The following MBNL3 variants were observed in gnomAD, a reference collection of about 807,000 sequenced individuals.
MBNL3 encodes muscleblind like splicing regulator 3.
In MBNL3, 6 loss-of-function variants were observed where a neutral mutation model predicts 24.5. The ratio of observed to expected loss-of-function variants is 0.25; its 90% CI spans 0.13 to 0.48. The LOEUF is 0.48. Among genes scored for constraint, MBNL3 ranks in the 20% least tolerant of loss-of-function variants. MBNL3 has a pLI of 0.99. For synonymous variants in MBNL3, 100 were observed against 101.7 expected (o/e 0.98, Z 0.10); for missense variants, 230 against 293.5 (o/e 0.78, Z 1.58).
intron 2 of MBNL3, chrX:132,429,776 C>T (rs765614704): frequency 9.0e-6 from 1 of 111,609 alleles, no homozygotes. Context: ...AAGCAATAGC[C>T]TAATTGATGT....
chrX:132,427,583 A>G (rs1944406563), intron 2 of MBNL3, among the ~76,000 whole-genome samples: 1 of 111,897 alleles, frequency 8.9e-6, no homozygotes, highest in South Asian at 3.7e-4. Context: ...GGGAAGATGA[A>G]CAAAGATATT....
In MBNL3 at chrX:132,379,686, GA is replaced by G. The variant is rs199601912; in HGVS notation, c.1054-10del. The stretch of plus-strand genomic sequence containing the variant: ...GCTGTTCAGAATTTCAGCTGAAATG[GA>G]AAAAAAAAGAAAGAAAGAAAGAGTG... On this transcript the variant is annotated splice_polypyrimidine_tract_variant and intron_variant, in intron 8 of 8. Transcript: ENST00000370853. 121 of 1,133,524 alleles carry G rather than the reference GA, an allele frequency of 1.1e-4. No homozygotes were observed. Among genetic ancestry groups the G allele is most frequent in the Non-Finnish European group, 1.2e-4 (100 of 834,395 alleles). 93.4% of individuals were successfully genotyped at this position (1,133,524 alleles called of 1,213,427 possible).
At chrX:132,389,996 C>G (rs1395209515) in intron 5 of MBNL3, among the ~76,000 whole-genome samples, 2 of 109,176 alleles carry the variant, frequency 1.8e-5, no homozygotes, top group East Asian at 5.7e-4. Context: ...AGTTCAAGAC[C>G]AGCCTGGCCA....
chrX:132,450,388 G>A (rs1032612330), intron 1 of MBNL3, among the ~76,000 whole-genome samples: 1 of 110,765 alleles, frequency 9.0e-6, no homozygotes, highest in Non-Finnish European at 1.9e-5. Context: ...CTCTAATCTT[G>A]TCTTCACGCT....
intron 6 of MBNL3, 127 bp from the exon 7 acceptor site, chrX:132,384,825 C>T: frequency 2.1e-6 from 1 of 468,302 alleles, no homozygotes; most frequent in Non-Finnish European, 3.2e-6. Context: ...ACATGCAAGT[C>T]CAACAATCTC....
At position 132,392,088 on chromosome X, in the gene MBNL3, T is replaced by C. The variant is rs745457025; in HGVS notation, c.534+55A>G. On this transcript the variant is annotated intron_variant, in intron 4 of 8. Coordinates refer to ENST00000370853, the MANE Select transcript of MBNL3 (RefSeq NM_001386889.1). ...ACACTGGGCTCTGAGAATACTGCTTTATGTGTAAGGTTAATATCTATTCTA... is the reference window on the plus strand; with the variant it reads ...ACACTGGGCTCTGAGAATACTGCTTCATGTGTAAGGTTAATATCTATTCTA... The C allele has an allele frequency of 9.0e-6, 9 of 1,004,414 alleles. 1 individual carries two copies. The South Asian group carries it at 2.2e-4, about 25-fold the overall frequency. 82.8% of individuals were successfully genotyped at this position (1,004,414 alleles called of 1,213,427 possible).
intron 2 of MBNL3, among the ~76,000 whole-genome samples, chrX:132,413,940 TC>T (rs1431612764): frequency 8.9e-6 from 1 of 112,347 alleles, no homozygotes; most frequent in Admixed American, 9.4e-5. Flanking sequence ...TTTCTTTTTT[TC>T]CTTCAGCCCT....
rs1934281326 is a variant in MBNL3 at position 132,377,861 on chromosome X, C to T, written c.*1805G>A. On this transcript the variant is annotated 3_prime_UTR_variant, in exon 9 of 9. Coordinates refer to ENST00000370853, the MANE Select transcript of MBNL3 (RefSeq NM_001386889.1). ...GGTTTTATACTTTCTGGTGGAAGAG[C>T]GCCTATTTACTAGAAAATATTAAAT... 9.2e-6 allele frequency: 1 copy of T among 109,029 alleles called. No individual in the cohort carries two copies. The highest frequency in any genetic ancestry group is 1.9e-5 in the Non-Finnish European group (1 of 52,474). 9.0% of individuals were successfully genotyped at this position (109,029 alleles called of 1,213,427 possible).
intron 2 of MBNL3, chrX:132,411,085 C>G (rs1233851989): frequency 1.4e-6 from 1 of 709,375 alleles, no homozygotes; most frequent in East Asian, 1.6e-4. Context: ...TTTAATAAAC[C>G]ATTTCTTAAA....
At chrX:132,436,997 G>C (rs1407382996) in intron 2 of MBNL3, among the ~76,000 whole-genome samples, 1 of 111,422 alleles carries the variant, frequency 9.0e-6, no homozygotes, top group Non-Finnish European at 1.9e-5. Context: ...TAATTAAGTG[G>C]CTTATTAATA....
intron 1 of MBNL3, among the ~76,000 whole-genome samples, chrX:132,455,594 A>T (rs1388032039): frequency 8.9e-6 from 1 of 112,127 alleles, no homozygotes; most frequent in Non-Finnish European, 1.9e-5. Context: ...TTTTTAGTGT[A>T]CACATGAAGA....
intron 3 of MBNL3, among the ~76,000 whole-genome samples, chrX:132,393,799 G>A (rs760752479): frequency 1.8e-5 from 2 of 110,734 alleles, no homozygotes; most frequent in African/African-American, 6.6e-5. Context: ...AAAAACCCCC[G>A]AATCTGTTGC....
At chrX:132,489,743 G>A (rs1175414103), upstream of MBNL3, 4 of 108,507 alleles carry the variant, frequency 3.7e-5, no homozygotes, top group South Asian at 3.7e-4. Context: ...CGCCGGACTC[G>A]GAAGCGGCGC....
chrX:132,424,729 TCTTAA>T (rs1484305407), intron 2 of MBNL3, among the ~76,000 whole-genome samples: 2 of 110,157 alleles, frequency 1.8e-5, no homozygotes, highest in African/African-American at 6.6e-5. Context: ...AATGGGTGTC[TCTTAA>T]CTTCTTTCTT....
At position 132,375,951 on chromosome X, in the gene MBNL3, T is replaced by G; in HGVS notation, c.*3715A>C. The G allele has an allele frequency of 8.9e-6, 1 of 112,088 alleles. No homozygotes were observed. Among genetic ancestry groups the G allele is most frequent in the Non-Finnish European group, 1.9e-5 (1 of 53,105 alleles). The allele number at this position is 112,088 out of a possible 1,213,427, so 9.2% of individuals were successfully genotyped here. On this transcript the variant is annotated 3_prime_UTR_variant, in exon 9 of 9. Transcript: ENST00000370853. ...TATTTAATAAAATGTAATGTAAATG[T>G]CATTCCTTATTCAGATACCACTATG... is the stretch of plus-strand genomic sequence containing the variant.
At chrX:132,450,659 A>G (rs1603257224) in intron 1 of MBNL3, among the ~76,000 whole-genome samples, 1 of 112,258 alleles carries the variant, frequency 8.9e-6, no homozygotes. Context: ...TCTGAAGCCT[A>G]CTTCTGTCAA....
At chrX:132,433,140 A>G (rs1159711451) in intron 2 of MBNL3, among the ~76,000 whole-genome samples, 1 of 111,908 alleles carries the variant, frequency 8.9e-6, no homozygotes. Flanking sequence ...CCACCCTGGG[A>G]AGCCCAGTTC....
chrX:132,468,269 G>A (rs1946994139), intron 1 of MBNL3, among the ~76,000 whole-genome samples: 1 of 112,347 alleles, frequency 8.9e-6, no homozygotes, highest in Admixed American at 9.5e-5. Context: ...CTAACTGATA[G>A]GAGATAGGCA....
intron 1 of MBNL3, among the ~76,000 whole-genome samples, chrX:132,446,239 C>T (rs1468270675): frequency 9.0e-6 from 1 of 111,721 alleles, no homozygotes; most frequent in South Asian, 3.8e-4. Flanking sequence ...TATTGTGAAT[C>T]GTGCTACAAT....
Sources: allele counts gnomAD v4.1 joint callset (sites outside exome capture counted in the v4.1 genomes callset), GRCh38; gene constraint gnomAD v4.1.1; transcripts MANE v1.5; gene names NCBI Gene and HGNC (gene_info 2026-07-23, HGNC 2026-07-21).